COL4A3: variants seen among roughly 807,000 people sequenced by gnomAD.
The protein encoded by COL4A3 is collagen alpha-3(IV) chain.
COL4A3 carries 135 observed loss-of-function variants against 217.4 expected under a neutral mutation model. The ratio of observed to expected loss-of-function variants is 0.62; its 90% CI spans 0.54 to 0.72. The LOEUF is 0.72. Ranked by LOEUF, COL4A3 falls within the 30% of genes least tolerant of loss-of-function variation. The probability of loss-of-function intolerance (pLI) is 0.00; values close to 1 mark genes in which losing one functional copy is unlikely to be tolerated. For synonymous variants in COL4A3, 690 were observed against 736.3 expected (o/e 0.94, Z 1.02); for missense variants, 1,868 against 2,119.9 (o/e 0.88, Z 2.33).
chr2:227,228,356 C>T (rs1273528996), intron 1 of COL4A3: 1 of 152,440 alleles, frequency 6.6e-6, no homozygotes, highest in Admixed American at 6.5e-5. Flanking sequence ...CTCGTGGCGT[C>T]TGTCTGGCAC....
In COL4A3 at chr2:227,242,893, A is replaced by G. The variant is rs188404284; in HGVS notation, c.235-1427A>G. Among the ~76,000 whole-genome samples, 18 of 152,236 alleles carry G rather than the reference A, an allele frequency of 1.2e-4. No homozygotes were observed. In the East Asian group the frequency reaches 3.5e-3, roughly 29 times the overall value. On this transcript the variant is annotated intron_variant, in intron 3 of 51. Coordinates refer to ENST00000396578, the MANE Select transcript of COL4A3 (RefSeq NM_000091.5). ...ATTTCCCTGTCTACCATATCCATGT[A>G]TGTGTTCTTTTTGTCCATTTCTCCT... is the stretch of plus-strand genomic sequence containing the variant.
intron 34 of COL4A3, 28 bp downstream of exon 34, chr2:227,284,373 A>G: frequency 1.2e-6 from 2 of 1,606,108 alleles, no homozygotes; most frequent in Non-Finnish European, 1.7e-6. Flanking sequence ...TGGAATCAGG[A>G]CATCAGAGCT....
At chr2:227,309,688 G>A (rs1002611664) in intron 50 of COL4A3, among the ~76,000 whole-genome samples, 1 of 151,740 alleles carries the variant, frequency 6.6e-6, no homozygotes, top group African/African-American at 2.4e-5. Context: ...TGCAACCTCC[G>A]CCTCCCAGGT....
intron 17 of COL4A3, among the ~76,000 whole-genome samples, chr2:227,256,834 G>T (rs1004328297): frequency 2.6e-5 from 4 of 152,166 alleles, no homozygotes; most frequent in Admixed American, 2.6e-4. Flanking sequence ...TTCAAATCAT[G>T]TGTAGTCATG....
At chr2:227,293,084 T>C (rs192372746) in intron 37 of COL4A3, 107 bp from the exon 38 acceptor site, 19 of 1,441,570 alleles carry the variant, frequency 1.3e-5, no homozygotes, top group Non-Finnish European at 1.6e-5. Context: ...CAGATACTAA[T>C]ATGAATTGAT....
chr2:227,272,559 G>A (rs1206055218), intron 25 of COL4A3, among the ~76,000 whole-genome samples: 2 of 152,200 alleles, frequency 1.3e-5, no homozygotes, highest in Non-Finnish European at 2.9e-5. Context: ...AAAATACCTG[G>A]TGAAACCAGA....
intron 1 of COL4A3, among the ~76,000 whole-genome samples, chr2:227,216,471 C>A (rs1165621407): frequency 1.3e-5 from 2 of 152,038 alleles, no homozygotes; most frequent in East Asian, 1.9e-4. Flanking sequence ...TTCAATCGAG[C>A]TTTAGTTACT....
intron 46 of COL4A3, chr2:227,304,377 C>T (rs1163656323): frequency 2.0e-5 from 11 of 539,434 alleles, no homozygotes; most frequent in African/African-American, 3.8e-5. Flanking sequence ...CACTTTAGGG[C>T]AGCATGTTTT....
chr2:227,282,945 C>T lies in COL4A3; in HGVS notation c.2656+413C>T, dbSNP rs61223532. Among the ~76,000 whole-genome samples, 678 of 152,218 alleles carry T rather than the reference C, an allele frequency of 4.5e-3. 5 individuals are homozygous for T. The highest frequency in any genetic ancestry group is 0.015 in the African/African-American group (634 of 41,546). On this transcript the variant is annotated intron_variant, in intron 32 of 51. Coordinates refer to ENST00000396578, the MANE Select transcript of COL4A3 (RefSeq NM_000091.5). This position sits in a 1 kb window ranked among gnomAD's most constrained non-coding sequence, Gnocchi z 4.4. ...TTTTCTGGAACAGTTTGTGAAGAAT[C>T]GACGCTCTTTAAACATTTGGTAGAA...
intron 3 of COL4A3, among the ~76,000 whole-genome samples, chr2:227,243,249 A>G (rs541013133): frequency 2.0e-5 from 3 of 152,182 alleles, no homozygotes; most frequent in Admixed American, 6.5e-5. Context: ...GTTGTCATAG[A>G]TTGATATTTT....
chr2:227,187,096 A>G (rs533265482), intron 1 of COL4A3, among the ~76,000 whole-genome samples: 2 of 152,334 alleles, frequency 1.3e-5, no homozygotes, highest in Non-Finnish European at 2.9e-5. Context: ...TTTAGTACAC[A>G]TGATGAACAG....
In COL4A3 at chr2:227,263,772, T is replaced by C; in HGVS notation, c.1151-8T>C. 1 of 1,611,986 alleles carries C rather than the reference T, an allele frequency of 6.2e-7. No homozygotes were observed. Among genetic ancestry groups the C allele is most frequent in the African/African-American group, 1.3e-5 (1 of 74,954 alleles). ...TGTAAAATACAAGAAATGATTATTT[T>C]CTCCAAGGATCATCAAGGCCTGGCC... On this transcript the variant is annotated splice_region_variant and splice_polypyrimidine_tract_variant and intron_variant, in intron 20 of 51. Transcript: ENST00000396578.
chr2:227,199,814 G>A (rs777969810), intron 1 of COL4A3, among the ~76,000 whole-genome samples: 1 of 150,766 alleles, frequency 6.6e-6, no homozygotes, highest in South Asian at 2.1e-4. Context: ...CATAGTTCTT[G>A]TGCATATAAA....
chr2:227,193,783 A>AG (rs2066343839), intron 1 of COL4A3, among the ~76,000 whole-genome samples: 1 of 24,158 alleles, frequency 4.1e-5, no homozygotes, highest in Non-Finnish European at 1.0e-4. Flanking sequence ...GAAGGAAGGA[A>AG]GGAAGGAAGG....
Position 227,164,751 on chromosome 2 carries a change from C to A in COL4A3, c.25C>A (p.Pro9Thr). MSARTAPR[P>T]QVLLLPLLLV... is the part of the protein sequence containing the mutation. ...CATGAGCGCCCGGACCGCCCCCAGG[C>A]CGCAGGTGCTCCTGCTGCCGCTCCT... The change falls in exon 1 of 52, where the codon CCG becomes ACG. Residue 9 changes from proline (P) to threonine (T), a missense_variant. Pro to Thr is a conservative substitution (Grantham distance 38). Transcript: ENST00000396578. This position sits in a 1 kb window ranked among gnomAD's most constrained non-coding sequence, Gnocchi z 4.8. 6.5e-7 allele frequency: 1 copy of A among 1,526,846 alleles called. No homozygotes were observed. Among genetic ancestry groups the A allele is most frequent in the Non-Finnish European group, 8.7e-7 (1 of 1,143,876 alleles). 94.6% of individuals were successfully genotyped at this position (1,526,846 alleles called of 1,614,324 possible). A position where few individuals can be genotyped will look rare whatever the true frequency, so the allele number is the denominator to read the frequency against.
rs779975412 is a variant in COL4A3 at position 227,297,703 on chromosome 2, T to C, written c.3595T>C (p.Phe1199Leu). 1 of 1,609,160 alleles carries C rather than the reference T, an allele frequency of 6.2e-7. No individual in the cohort carries two copies. The highest frequency in any genetic ancestry group is 1.7e-5 in the Admixed American group (1 of 59,316). ...CAAAGGAGACAGGGGAGCCCCAGGT[T>C]TTCCTGGCCTCCCGGGCAGAAAAGG... ...GAKGDRGAPG[F>L]PGLPGRKGAM... Residue 1199 changes from phenylalanine (F) to leucine (L), a missense_variant, in exon 42 of 52, where the codon TTT (phenylalanine) becomes CTT (leucine). Around this residue, in one of 2 missense-constraint regions of COL4A3, gnomAD observed 1,503 missense variants for 1,786.1 expected, o/e 0.84. Coordinates refer to ENST00000396578, the MANE Select transcript of COL4A3 (RefSeq NM_000091.5).
chr2:227,294,586 T>C lies in COL4A3; in HGVS notation c.3418+16T>C, dbSNP rs1461652038. 3 of 1,562,934 alleles carry C rather than the reference T, an allele frequency of 1.9e-6. No homozygotes were observed. Among genetic ancestry groups the C allele is most frequent in the South Asian group, 1.1e-5 (1 of 90,080 alleles). The stretch of plus-strand genomic sequence containing the variant: ...GGCCCTCCAGGTTTCATTTTTGTAC[T>C]TTCTCTTTTTCCTTTTCATGTGGGA... On this transcript the variant is annotated intron_variant, in intron 39 of 51. Coordinates refer to ENST00000396578, the MANE Select transcript of COL4A3 (RefSeq NM_000091.5).
intron 33 of COL4A3, 101 bp downstream of exon 33, chr2:227,283,957 T>C: frequency 8.9e-7 from 1 of 1,128,324 alleles, no homozygotes; most frequent in Non-Finnish European, 1.3e-6. Context: ...AAAATAGTTC[T>C]GAGAGAGCAA....
intron 1 of COL4A3, among the ~76,000 whole-genome samples, chr2:227,201,014 T>G (rs527920800): frequency 3.1e-4 from 47 of 152,364 alleles, no homozygotes; most frequent in African/African-American, 1.1e-3. Context: ...AGATTAGAAA[T>G]TATATTATTC....
Sources: gnomAD v4.1 joint callset for allele counts (sites outside exome capture counted in the v4.1 genomes callset) on GRCh38, gnomAD v4.1.1 for gene constraint, gnomAD v4.1.1 regional missense constraint, Gnocchi (gnomAD v3.1) non-coding constraint, MANE v1.5 for transcripts, NCBI Gene and HGNC (gene_info 2026-07-23, HGNC 2026-07-21) for gene names.